ITK: variants seen among roughly 807,000 people sequenced by gnomAD.
ITK encodes IL2 inducible T cell kinase, also known as tyrosine-protein kinase ITK/TSK.
A neutral mutation model predicts 87.6 loss-of-function variants in ITK; 45 were observed. The observed-to-expected ratio is 0.51, with a 90% confidence interval of 0.40 to 0.66. ITK has a LOEUF of 0.66. Among genes scored for constraint, ITK ranks in the 30% least tolerant of loss-of-function variants. ITK has a pLI of 0.00. For synonymous variants in ITK, 303 were observed against 273.6 expected (o/e 1.11, Z -1.06); for missense variants, 605 against 766.3 (o/e 0.79, Z 2.48).
intron 15 of ITK, among the ~76,000 whole-genome samples, chr5:157,246,664 AGTGTG>A (rs886101170): frequency 2.2e-4 from 34 of 152,310 alleles, no homozygotes; most frequent in African/African-American, 7.2e-4. Flanking sequence ...TGCTTTGAAT[AGTGTG>A]GTGTGGGAAG....
chr5:157,189,348 G>C lies in ITK; in HGVS notation c.138+8233G>C, dbSNP rs557149408. ...CCACAGAGAAATACTATAAACACGA[G>C]AGTTTAGATTCTGACTCAGTCTGAA... On this transcript the variant is annotated intron_variant, in intron 1 of 16. Transcript: ENST00000422843. Among the ~76,000 whole-genome samples, 10 of 152,278 alleles carry C rather than the reference G, an allele frequency of 6.6e-5. No individual in the cohort carries two copies. In the South Asian group the frequency reaches 1.5e-3, roughly 22 times the overall value.
intron 10 of ITK, chr5:157,240,721 G>A (rs1461900529): frequency 5.5e-6 from 1 of 181,282 alleles, no homozygotes; most frequent in East Asian, 1.4e-4. Context: ...GCAGGAGCAG[G>A]AGCGAGGAGG....
At chr5:157,216,832 TGTA>T (rs942563006) in intron 4 of ITK, among the ~76,000 whole-genome samples, 1 of 152,060 alleles carries the variant, frequency 6.6e-6, no homozygotes, top group African/African-American at 2.4e-5. Context: ...CTGTGGTCAT[TGTA>T]TACCCAGGTC....
intron 5 of ITK, 88 bp from the exon 6 acceptor site, chr5:157,222,775 A>T: frequency 7.6e-7 from 1 of 1,311,686 alleles, no homozygotes; most frequent in Non-Finnish European, 1.1e-6. Flanking sequence ...AGAGGAAGGC[A>T]GACTGTCTCC....
intron 7 of ITK, among the ~76,000 whole-genome samples, chr5:157,228,643 A>ATT (rs397766372): frequency 6.7e-6 from 1 of 148,950 alleles, no homozygotes. Flanking sequence ...TTCTTCTTTA[A>ATT]TTTTTTTTTT....
intron 7 of ITK, among the ~76,000 whole-genome samples, chr5:157,231,757 T>C (rs972457792): frequency 7.2e-5 from 11 of 152,228 alleles, no homozygotes; most frequent in African/African-American, 2.7e-4. Context: ...TACCATTTTA[T>C]AGTTGTTTTT....
At chr5:157,232,227 A>T in intron 7 of ITK, 113 bp from the exon 8 acceptor site, 1 of 755,032 alleles carries the variant, frequency 1.3e-6, no homozygotes, top group Non-Finnish European at 2.3e-6. Context: ...AAATTTTTTT[A>T]AAGCACTGGT....
chr5:157,209,743 C>T (rs553197370), intron 2 of ITK, among the ~76,000 whole-genome samples: 1 of 152,072 alleles, frequency 6.6e-6, no homozygotes, highest in Non-Finnish European at 1.5e-5. Context: ...TATCTGGAAT[C>T]GCACTGTCTA....
chr5:157,207,377 C>CTTTTTT (rs536290068), intron 1 of ITK, among the ~76,000 whole-genome samples: 855 of 59,108 alleles, frequency 0.014, 201 homozygotes, highest in South Asian at 0.041. Context: ...AGATACGTCT[C>CTTTTTT]TTTTTTTTTT....
chr5:157,223,124 G>A (rs1754458363), intron 6 of ITK, 110 bp downstream of exon 6: 6 of 1,322,920 alleles, frequency 4.5e-6, no homozygotes, highest in Admixed American at 1.7e-5. Context: ...CACTGAGGTG[G>A]GAGAAGAGAG....
At chr5:157,196,479 T>C (rs1344306869) in intron 1 of ITK, among the ~76,000 whole-genome samples, 3 of 152,162 alleles carry the variant, frequency 2.0e-5, no homozygotes, top group African/African-American at 7.2e-5. Flanking sequence ...TTCCTATAAG[T>C]TTATTAGTAT....
intron 1 of ITK, among the ~76,000 whole-genome samples, chr5:157,207,806 A>G (rs1385324712): frequency 6.6e-6 from 1 of 152,204 alleles, no homozygotes; most frequent in African/African-American, 2.4e-5. Context: ...ATAACAAAGT[A>G]ATAGTTCTGC....
At chr5:157,181,191 A>T (rs1753507272) in intron 1 of ITK, 76 bp downstream of exon 1, 2 of 1,374,408 alleles carry the variant, frequency 1.5e-6, no homozygotes, top group Non-Finnish European at 1.0e-6. Flanking sequence ...AAATATATAC[A>T]TAGCATAAAA....
intron 11 of ITK, among the ~76,000 whole-genome samples, chr5:157,242,069 C>T (rs1414419167): frequency 6.6e-6 from 1 of 152,186 alleles, no homozygotes; most frequent in Non-Finnish European, 1.5e-5. Context: ...TCTTCTAGAA[C>T]TTTTATATCA....
At chr5:157,196,667 T>C (rs900118539) in intron 1 of ITK, among the ~76,000 whole-genome samples, 14 of 152,226 alleles carry the variant, frequency 9.2e-5, no homozygotes, top group African/African-American at 3.4e-4. Flanking sequence ...CACTTTCTGC[T>C]GCATACTTGG....
intron 1 of ITK, among the ~76,000 whole-genome samples, chr5:157,202,083 G>C (rs1753987824): frequency 6.6e-6 from 1 of 152,148 alleles, no homozygotes; most frequent in African/African-American, 2.4e-5. Flanking sequence ...GCAGCATTTG[G>C]TTTTTAGTTC....
chr5:157,191,336 C>T (rs908616312), intron 1 of ITK, among the ~76,000 whole-genome samples: 7 of 151,964 alleles, frequency 4.6e-5, no homozygotes, highest in East Asian at 1.9e-4. Context: ...GTATAACCTG[C>T]GTCAGGATCA....
At chr5:157,230,555 C>T (rs1442035304) in intron 7 of ITK, among the ~76,000 whole-genome samples, 1 of 152,068 alleles carries the variant, frequency 6.6e-6, no homozygotes, top group Non-Finnish European at 1.5e-5. Context: ...TAGCCCTTCC[C>T]TCAGTGAACA....
intron 13 of ITK, 144 bp downstream of exon 13, chr5:157,244,622 G>A: frequency 1.4e-6 from 1 of 693,962 alleles, no homozygotes; most frequent in Non-Finnish European, 2.6e-6. Flanking sequence ...CCTACTTTGG[G>A]TGGTCCTAGT....
Sources: allele counts gnomAD v4.1 joint callset (sites outside exome capture counted in the v4.1 genomes callset), GRCh38; gene constraint gnomAD v4.1.1; transcripts MANE v1.5; gene names NCBI Gene and HGNC (gene_info 2026-07-23, HGNC 2026-07-21).